Variants in PRKG1 observed in about 807,000 individuals in gnomAD.
The protein encoded by PRKG1 is cGMP-dependent protein kinase 1.
PRKG1 carries 35 observed loss-of-function variants against 88.1 expected under a neutral mutation model. That is an observed-to-expected ratio of 0.40 (90% CI 0.30 to 0.53). PRKG1 has a LOEUF of 0.53. Ranked by LOEUF, PRKG1 falls within the 20% of genes least tolerant of loss-of-function variation. PRKG1 has a pLI of 0.59. For missense variants in PRKG1, 540 were observed against 839.8 expected, an observed-to-expected ratio of 0.64 and a Z score of 4.41; for synonymous variants, 303 against 292.5, an observed-to-expected ratio of 1.04 and a Z score of -0.37.
At chr10:51,122,585 A>G (rs1845286241) in intron 1 of PRKG1, among the ~76,000 whole-genome samples, 1 of 152,188 alleles carries the variant, frequency 6.6e-6, no homozygotes, top group African/African-American at 2.4e-5. Context: ...AACCCAATTC[A>G]TGTAAATCAA....
At chr10:51,829,376 C>T (rs539233537) in intron 4 of PRKG1, among the ~76,000 whole-genome samples, 2 of 152,228 alleles carry the variant, frequency 1.3e-5, no homozygotes, top group African/African-American at 4.8e-5. Context: ...GACATGAAGA[C>T]CTTGGGATCA....
intron 3 of PRKG1, among the ~76,000 whole-genome samples, chr10:51,589,089 T>C (rs1267960053): frequency 6.6e-6 from 1 of 152,118 alleles, no homozygotes; most frequent in Non-Finnish European, 1.5e-5. Context: ...AGACAGGCTA[T>C]AAGGGAATGC....
chr10:51,218,490 CATATATATATAT>C (rs869105973), intron 2 of PRKG1, among the ~76,000 whole-genome samples: 38 of 40,776 alleles, frequency 9.3e-4, no homozygotes, highest in East Asian at 8.2e-3. Context: ...CATCTATCTT[CATATATATATAT>C]ATATATATAT....
intron 3 of PRKG1, among the ~76,000 whole-genome samples, chr10:51,546,579 T>C (rs1842449500): frequency 6.6e-6 from 1 of 152,122 alleles, no homozygotes; most frequent in Non-Finnish European, 1.5e-5. Context: ...GTATAGTCTT[T>C]GATAATTTGA....
At chr10:51,379,681 T>C (rs542883569) in intron 2 of PRKG1, among the ~76,000 whole-genome samples, 147 of 152,342 alleles carry the variant, frequency 9.6e-4, no homozygotes, top group African/African-American at 3.5e-3. Context: ...TTGTGTTAGC[T>C]CTGAGATTAA....
At chr10:51,301,069 T>C (rs1840871038) in intron 2 of PRKG1, among the ~76,000 whole-genome samples, 1 of 152,092 alleles carries the variant, frequency 6.6e-6, no homozygotes, top group East Asian at 1.9e-4. Flanking sequence ...GACAGCACAA[T>C]GGAGAAATAT....
chr10:51,277,687 G>A (rs1439322955), intron 2 of PRKG1, among the ~76,000 whole-genome samples: 3 of 152,118 alleles, frequency 2.0e-5, no homozygotes, highest in South Asian at 2.1e-4. Context: ...CTTGTAAGTT[G>A]GATTCCTAGG....
intron 3 of PRKG1, among the ~76,000 whole-genome samples, chr10:51,507,119 G>A (rs180923815): frequency 6.7e-6 from 1 of 149,126 alleles, no homozygotes; most frequent in Non-Finnish European, 1.5e-5. Context: ...CATGAAGACA[G>A]GAAGGGGAAC....
At chr10:51,676,589 T>C (rs1392017447) in intron 3 of PRKG1, among the ~76,000 whole-genome samples, 1 of 152,200 alleles carries the variant, frequency 6.6e-6, no homozygotes, top group African/African-American at 2.4e-5. Flanking sequence ...CATTCTTTTA[T>C]TTTGAAGACA....
At chr10:51,745,935 C>G (rs2132500161) in intron 3 of PRKG1, among the ~76,000 whole-genome samples, 1 of 152,316 alleles carries the variant, frequency 6.6e-6, no homozygotes, top group Non-Finnish European at 1.5e-5. Context: ...GCATCGAACT[C>G]CTGGGCTCAA....
At chr10:51,358,796 T>C (rs1842419117) in intron 2 of PRKG1, among the ~76,000 whole-genome samples, 1 of 151,940 alleles carries the variant, frequency 6.6e-6, no homozygotes, top group African/African-American at 2.4e-5. Flanking sequence ...ACTATGGATG[T>C]GGGTCTTTAA....
At chr10:51,956,980 C>A (rs1376476827) in intron 5 of PRKG1, among the ~76,000 whole-genome samples, 3 of 151,262 alleles carry the variant, frequency 2.0e-5, no homozygotes, top group Non-Finnish European at 4.4e-5. Context: ...CTCTTTCTCT[C>A]TCTCTTTCTT....
chr10:51,354,960 A>G (rs1005174846), intron 2 of PRKG1, among the ~76,000 whole-genome samples: 2 of 152,104 alleles, frequency 1.3e-5, no homozygotes, highest in African/African-American at 4.8e-5. Flanking sequence ...ATGTCTGGGC[A>G]TAGGAATGGC....
At chr10:51,635,021 T>C (rs1481271655) in intron 3 of PRKG1, among the ~76,000 whole-genome samples, 1 of 151,992 alleles carries the variant, frequency 6.6e-6, no homozygotes, top group African/African-American at 2.4e-5. Flanking sequence ...CAAAATAATA[T>C]GCACACCAAA....
chr10:51,533,617 TA>T (rs34738901), intron 3 of PRKG1, among the ~76,000 whole-genome samples: 54,274 of 142,736 alleles, frequency 0.38, 10,929 homozygotes, highest in Non-Finnish European at 0.48. Context: ...CTAAAAGCTT[TA>T]AAAAAAAAAA....
intron 3 of PRKG1, among the ~76,000 whole-genome samples, chr10:51,602,276 TGTTTATATCGAACACTAGACAA>T (rs1252348163): frequency 6.6e-6 from 1 of 152,182 alleles, no homozygotes; most frequent in Non-Finnish European, 1.5e-5. Flanking sequence ...CAAGGAGTTT[TGTTTATATCGAACACTAGACAA>T]CATAGGCTAA....
intron 5 of PRKG1, among the ~76,000 whole-genome samples, chr10:51,982,869 G>C (rs1844048045): frequency 6.6e-6 from 1 of 152,226 alleles, no homozygotes; most frequent in Admixed American, 6.5e-5. Context: ...GCAGGTGCCA[G>C]GGTGCCTGCC....
chr10:51,082,471 A>G (rs187693367), intron 1 of PRKG1, among the ~76,000 whole-genome samples: 1 of 152,300 alleles, frequency 6.6e-6, no homozygotes, highest in Admixed American at 6.5e-5. Context: ...ACCAATTAAA[A>G]TCAGAATGTC....
At chr10:51,984,404 A>T (rs571307499) in intron 5 of PRKG1, among the ~76,000 whole-genome samples, 1 of 152,166 alleles carries the variant, frequency 6.6e-6, no homozygotes, top group Non-Finnish European at 1.5e-5. Flanking sequence ...TTATTGACAA[A>T]ATATTTCTTT....
Sources: allele counts gnomAD v4.1 joint callset (sites outside exome capture counted in the v4.1 genomes callset), GRCh38; gene constraint gnomAD v4.1.1; transcripts MANE v1.5; gene names NCBI Gene and HGNC (gene_info 2026-07-23, HGNC 2026-07-21).